Variants in MACROD2 observed in about 807,000 individuals in gnomAD.
MACROD2 encodes ADP-ribose glycohydrolase MACROD2.
MACROD2 carries 36 observed loss-of-function variants against 70.4 expected under a neutral mutation model. That is an observed-to-expected ratio of 0.51 (90% CI 0.39 to 0.68). MACROD2 has a LOEUF of 0.68. MACROD2 is among the 30% of genes least tolerant of loss of function. The pLI is 0.00. For missense variants in MACROD2, 496 were observed against 538.4 expected (o/e 0.92, Z 0.78); for synonymous variants, 172 against 178.8 (o/e 0.96, Z 0.30).
At position 14,511,408 on chromosome 20, in the gene MACROD2, A is replaced by G. The variant is rs141845150; in HGVS notation, c.301+17900A>G. ...CCATAAATATATACACCTACTAAGT[A>G]CCCACAAGCATTAAACATTTAAAAA... On this transcript the variant is annotated intron_variant, in intron 4 of 17. Coordinates refer to ENST00000684519, the MANE Select transcript of MACROD2 (RefSeq NM_001351661.2). Among the ~76,000 whole-genome samples, 539 of 152,216 alleles carry G rather than the reference A, an allele frequency of 3.5e-3. 7 individuals carry two copies. The highest frequency in any genetic ancestry group is 0.012 in the African/African-American group (508 of 41,538).
intron 5 of MACROD2, among the ~76,000 whole-genome samples, chr20:15,040,007 A>G (rs2075343081): frequency 6.6e-6 from 1 of 152,128 alleles, no homozygotes; most frequent in African/African-American, 2.4e-5. Context: ...TATTACCCCA[A>G]GATTTCTATA....
intron 5 of MACROD2, among the ~76,000 whole-genome samples, chr20:15,124,176 G>C (rs2076050027): frequency 6.6e-6 from 1 of 151,822 alleles, no homozygotes; most frequent in Non-Finnish European, 1.5e-5. Context: ...TACTTAGCTA[G>C]TAAGACTGCA....
At chr20:15,568,219 GA>G (rs2048333590) in intron 8 of MACROD2, among the ~76,000 whole-genome samples, 1 of 152,194 alleles carries the variant, frequency 6.6e-6, no homozygotes, top group South Asian at 2.1e-4. Flanking sequence ...GAGTTTCGAG[GA>G]AATCTCAGAC....
intron 5 of MACROD2, among the ~76,000 whole-genome samples, chr20:15,030,980 C>T (rs1338954667): frequency 6.6e-6 from 1 of 152,144 alleles, no homozygotes. Context: ...GCACTTGGCT[C>T]GCGCTACCAG....
rs537828816 is a variant in MACROD2, at chr20:15,846,610, C to T, written c.646-16135C>T. 1.1e-3 allele frequency among the ~76,000 whole-genome samples: 164 copies of T among 152,192 alleles called. 1 individual carries two copies. Among genetic ancestry groups the T allele is most frequent in the African/African-American group, 3.5e-3 (146 of 41,530 alleles). On this transcript the variant is annotated intron_variant, in intron 8 of 17. Coordinates refer to ENST00000684519, the MANE Select transcript of MACROD2 (RefSeq NM_001351661.2). ...CTGGTTGGACACCAAAAGGAAAAAA[C>T]GGTTTTTCCACGACTAAGCAGTATC...
chr20:14,963,107 C>G (rs1261658866), intron 5 of MACROD2, among the ~76,000 whole-genome samples: 1 of 151,734 alleles, frequency 6.6e-6, no homozygotes, highest in Admixed American at 6.6e-5. Flanking sequence ...TTTTTTTCAC[C>G]AAGTAGAATT....
chr20:15,692,378 G>A (rs766495612), intron 8 of MACROD2, among the ~76,000 whole-genome samples: 2 of 152,092 alleles, frequency 1.3e-5, no homozygotes, highest in East Asian at 1.9e-4. Context: ...GAGCACAGGG[G>A]CCATTTTTTC....
chr20:14,816,138 A>G (rs1252647550), intron 5 of MACROD2, among the ~76,000 whole-genome samples: 1 of 152,016 alleles, frequency 6.6e-6, no homozygotes, highest in Non-Finnish European at 1.5e-5. Context: ...TTCCTTCCAG[A>G]TATTTTTAAA....
intron 5 of MACROD2, among the ~76,000 whole-genome samples, chr20:15,137,756 TAA>T (rs2076161508): frequency 6.6e-6 from 1 of 152,090 alleles, no homozygotes; most frequent in Non-Finnish European, 1.5e-5. Context: ...ACAGAAGTGT[TAA>T]GTTTTTAAAA....
intron 3 of MACROD2, among the ~76,000 whole-genome samples, chr20:14,165,481 T>A (rs1436440862): frequency 6.6e-6 from 1 of 152,180 alleles, no homozygotes; most frequent in Non-Finnish European, 1.5e-5. Context: ...AGAGGATCTA[T>A]TTTAAGTGTG....
intron 9 of MACROD2, 32 bp from the exon 10 acceptor site, chr20:15,885,732 G>C (rs761730043): frequency 3.4e-6 from 5 of 1,450,488 alleles, no homozygotes; most frequent in Middle Eastern, 1.8e-4. Context: ...TTTCATATAA[G>C]TATTTCTTTA....
At chr20:15,431,844 A>G (rs1458824853) in intron 7 of MACROD2, among the ~76,000 whole-genome samples, 3 of 152,064 alleles carry the variant, frequency 2.0e-5, no homozygotes, top group African/African-American at 7.2e-5. Flanking sequence ...ACATATGCAT[A>G]TATCTGTGTT....
At chr20:15,227,851 A>ATTTTTTTTTTTTTT (rs2076924109) in intron 5 of MACROD2, among the ~76,000 whole-genome samples, 1 of 16,532 alleles carries the variant, frequency 6.0e-5, no homozygotes, top group African/African-American at 2.1e-4. Flanking sequence ...TTTTTTTTTC[A>ATTTTTTTTTTTTTT]AATTTAATTG....
chr20:15,544,155 C>T (rs1312545626), intron 8 of MACROD2, among the ~76,000 whole-genome samples: 1 of 152,166 alleles, frequency 6.6e-6, no homozygotes, highest in Non-Finnish European at 1.5e-5. Context: ...GGGGCCATCA[C>T]CTCACAGCGT....
At position 15,230,253 on chromosome 20, in the gene MACROD2, T is replaced by A. The variant is rs561116983; in HGVS notation, c.540+192T>A. Reference sequence around the variant, plus strand: ...TAAATATTTGCTAAATTTTTCATGATGTTTCAGAATTTAAAACTATAAAAC... The same window carrying A: ...TAAATATTTGCTAAATTTTTCATGAAGTTTCAGAATTTAAAACTATAAAAC... On this transcript the variant is annotated intron_variant, in intron 6 of 17. Transcript: ENST00000684519. Among the ~76,000 whole-genome samples, 20 of 152,332 alleles carry A rather than the reference T, an allele frequency of 1.3e-4. No individual in the cohort carries two copies. The South Asian group carries it at 1.7e-3, about 13-fold the overall frequency.
intron 5 of MACROD2, among the ~76,000 whole-genome samples, chr20:15,083,732 C>T (rs1382324707): frequency 6.6e-6 from 1 of 152,010 alleles, no homozygotes; most frequent in African/African-American, 2.4e-5. Flanking sequence ...TTAAAGGTTT[C>T]TCCAAGGTTT....
chr20:14,369,191 T>C (rs903755324), intron 3 of MACROD2, among the ~76,000 whole-genome samples: 1 of 152,236 alleles, frequency 6.6e-6, no homozygotes, highest in African/African-American at 2.4e-5. Context: ...TCAAGGAATC[T>C]CTGCTGCATT....
At chr20:14,592,031 G>A (rs1051087373) in intron 4 of MACROD2, among the ~76,000 whole-genome samples, 1 of 152,114 alleles carries the variant, frequency 6.6e-6, no homozygotes, top group Non-Finnish European at 1.5e-5. Flanking sequence ...TGGATAGAGA[G>A]GACTGCAGTG....
At chr20:14,282,412 A>C (rs1280951706) in intron 3 of MACROD2, among the ~76,000 whole-genome samples, 2 of 152,162 alleles carry the variant, frequency 1.3e-5, no homozygotes, top group Admixed American at 6.6e-5. Flanking sequence ...GTTGGAGTTG[A>C]CTGTCTGCTG....
Sources: allele counts gnomAD v4.1 joint callset (sites outside exome capture counted in the v4.1 genomes callset), GRCh38; gene constraint gnomAD v4.1.1; transcripts MANE v1.5; gene names NCBI Gene and HGNC (gene_info 2026-07-23, HGNC 2026-07-21).